The following TSHZ3 variants were observed in gnomAD, a reference collection of about 807,000 sequenced individuals.
TSHZ3 encodes teashirt homolog 3.
A neutral mutation model predicts 64.5 loss-of-function variants in TSHZ3; 10 were observed. The ratio of observed to expected loss-of-function variants is 0.16; its 90% CI spans 0.10 to 0.26. The LOEUF (loss-of-function observed/expected upper bound fraction) is 0.26. Ranked by LOEUF, TSHZ3 falls within the 10% of genes least tolerant of loss-of-function variation. The pLI is 1.00. For missense variants in TSHZ3, 1,242 were observed against 1,421.7 expected, an observed-to-expected ratio of 0.87 and a Z score of 2.03; for synonymous variants, 608 against 593.1, an observed-to-expected ratio of 1.03 and a Z score of -0.36.
chr19:31,304,593 AC>A (rs1237290328), intron 1 of TSHZ3, among the ~76,000 whole-genome samples: 1 of 152,222 alleles, frequency 6.6e-6, no homozygotes, highest in Non-Finnish European at 1.5e-5. Flanking sequence ...ACTTTTTAGC[AC>A]CGAGAGTTGG....
rs1350252928 is a variant in TSHZ3, at chr19:31,279,586, G to C, written c.207C>G (p.Cys69Trp). Residue 69 changes from cysteine (C) to tryptophan (W), a missense_variant, in exon 2 of 2, where the codon TGC (cysteine) becomes TGG (tryptophan). By Grantham distance (215) the Cys-to-Trp change is radical. Coordinates refer to ENST00000240587, the MANE Select transcript of TSHZ3 (RefSeq NM_020856.4). This position sits in a 1 kb window ranked among gnomAD's most constrained non-coding sequence, Gnocchi z 6.4. ...YQNSPAAEFS[C>W]HEMDSESHIS... ...TGTGTGACTCGCTGTCCATTTCATG[G>C]CAGGAAAACTCGGCGGCCGGGGAGT... 8 of 1,611,706 alleles carry C rather than the reference G, an allele frequency of 5.0e-6. No individual in the cohort carries two copies. Among genetic ancestry groups the C allele is most frequent in the Non-Finnish European group, 6.8e-6 (8 of 1,178,456 alleles).
At chr19:31,348,056 T>C (rs566892430) in intron 1 of TSHZ3, among the ~76,000 whole-genome samples, 17 of 152,280 alleles carry the variant, frequency 1.1e-4, no homozygotes, top group African/African-American at 3.4e-4. Flanking sequence ...CACTTAACCC[T>C]CCCCTTCAGG....
intron 1 of TSHZ3, among the ~76,000 whole-genome samples, chr19:31,251,500 G>C (rs1271184751): frequency 6.6e-6 from 1 of 152,170 alleles, no homozygotes; most frequent in Non-Finnish European, 1.5e-5. Context: ...GCACCTCTTT[G>C]ACCTCCTTCA....
intron 5 of TSHZ3, among the ~76,000 whole-genome samples, chr19:31,157,284 CA>C (rs1386086919): frequency 9.9e-5 from 15 of 152,134 alleles, no homozygotes; most frequent in Admixed American, 7.9e-4. Context: ...GACTAAGTAG[CA>C]GCTAAAATGA....
At chr19:31,256,675 T>C (rs1475650107) in intron 1 of TSHZ3, among the ~76,000 whole-genome samples, 1 of 152,236 alleles carries the variant, frequency 6.6e-6, no homozygotes. Context: ...TTTTGCAATA[T>C]GGGAACAGCC....
chr19:31,179,724 ATGGTAGGTGGTGG>A (rs1487988215), intron 5 of TSHZ3, among the ~76,000 whole-genome samples: 28 of 130,556 alleles, frequency 2.1e-4, no homozygotes, highest in African/African-American at 7.5e-4. Context: ...AACAATGATG[ATGGTAGGTGGTGG>A]TGGTGGTGGT....
intron 1 of TSHZ3, among the ~76,000 whole-genome samples, chr19:31,306,440 C>T (rs149180009): frequency 1.3e-5 from 2 of 152,290 alleles, no homozygotes; most frequent in Non-Finnish European, 2.9e-5. Context: ...GATCGCAAAA[C>T]GTGAGGTCTG....
chr19:31,290,765 C>A (rs1414857848), intron 1 of TSHZ3, among the ~76,000 whole-genome samples: 2 of 152,070 alleles, frequency 1.3e-5, no homozygotes, highest in East Asian at 2.0e-4. Context: ...TACCCAAGGG[C>A]CAGAGGATCC....
intron 5 of TSHZ3, among the ~76,000 whole-genome samples, chr19:31,179,891 A>T (rs1974684094): frequency 6.6e-6 from 1 of 151,922 alleles, no homozygotes; most frequent in South Asian, 2.1e-4. Context: ...TATTGAGCTC[A>T]TATAGTGCCA....
chr19:31,197,198 T>C (rs916204849), intron 5 of TSHZ3, among the ~76,000 whole-genome samples: 1 of 151,776 alleles, frequency 6.6e-6, no homozygotes, highest in Admixed American at 6.6e-5. Context: ...ACAATACACT[T>C]CACAATAACA....
intron 1 of TSHZ3, among the ~76,000 whole-genome samples, chr19:31,333,320 G>A (rs892609281): frequency 6.6e-5 from 10 of 151,886 alleles, no homozygotes; most frequent in African/African-American, 1.9e-4. Flanking sequence ...AAGGACATGC[G>A]AGCCCCTCTC....
At chr19:31,230,395 G>C (rs562451893) in intron 3 of TSHZ3, among the ~76,000 whole-genome samples, 10 of 152,146 alleles carry the variant, frequency 6.6e-5, no homozygotes, top group African/African-American at 2.4e-4. Context: ...ATCTCTGGGC[G>C]GCAAAAGTGT....
chr19:31,238,848 T>C (rs1426635889), intron 3 of TSHZ3, among the ~76,000 whole-genome samples: 1 of 152,206 alleles, frequency 6.6e-6, no homozygotes, highest in Non-Finnish European at 1.5e-5. Context: ...AAAATCTCTA[T>C]TTTCATTGGG....
chr19:31,190,189 G>A (rs1974880310), intron 5 of TSHZ3, among the ~76,000 whole-genome samples: 1 of 152,178 alleles, frequency 6.6e-6, no homozygotes, highest in Non-Finnish European at 1.5e-5. Context: ...GGTCATTAAA[G>A]AGGAACTTCA....
chr19:31,273,414 G>C (rs1403226374), downstream of TSHZ3, among the ~76,000 whole-genome samples: 1 of 152,184 alleles, frequency 6.6e-6, no homozygotes, highest in South Asian at 2.1e-4. Flanking sequence ...GGAAAGCCCA[G>C]AAGATGATCC....
chr19:31,262,965 G>A (rs1975999554), intron 1 of TSHZ3, among the ~76,000 whole-genome samples: 3 of 152,244 alleles, frequency 2.0e-5, no homozygotes, highest in Non-Finnish European at 2.9e-5. Context: ...TGACTGCCAG[G>A]CAGGACCTCA....
chr19:31,214,908 A>AG (rs1197997367), intron 4 of TSHZ3, among the ~76,000 whole-genome samples: 5 of 139,324 alleles, frequency 3.6e-5, no homozygotes, highest in Non-Finnish European at 6.2e-5. Flanking sequence ...ACTCTGTCTC[A>AG]GAAAAAAAAA....
At chr19:31,330,720 A>G in intron 1 of TSHZ3, among the ~76,000 whole-genome samples, 1 of 151,248 alleles carries the variant, frequency 6.6e-6, no homozygotes, top group Non-Finnish European at 1.5e-5. Flanking sequence ...GGGGGGAGGA[A>G]AGTCCAGAAC....
intron 1 of TSHZ3, among the ~76,000 whole-genome samples, chr19:31,285,521 A>C (rs1364637031): frequency 1.3e-5 from 2 of 149,842 alleles, no homozygotes; most frequent in African/African-American, 2.5e-5. Flanking sequence ...GGTGGCTTAC[A>C]CCTGTAATCC....
Sources: gnomAD v4.1 joint callset for allele counts (sites outside exome capture counted in the v4.1 genomes callset) on GRCh38, gnomAD v4.1.1 for gene constraint, Gnocchi (gnomAD v3.1) non-coding constraint, MANE v1.5 for transcripts, NCBI Gene and HGNC (gene_info 2026-07-23, HGNC 2026-07-21) for gene names.